MLPH: variants seen among roughly 807,000 people sequenced by gnomAD.
MLPH encodes exophilin-3.
A neutral mutation model predicts 72.1 loss-of-function variants in MLPH; 51 were observed. That is an observed-to-expected ratio of 0.71 (90% CI 0.56 to 0.89). The LOEUF (loss-of-function observed/expected upper bound fraction) is 0.89. Ranked by LOEUF, MLPH falls within the 40% of genes least tolerant of loss-of-function variation. MLPH has a pLI of 0.00. For missense variants in MLPH, 743 were observed against 759.9 expected, an observed-to-expected ratio of 0.98 and a Z score of 0.26; for synonymous variants, 301 against 310.1, an observed-to-expected ratio of 0.97 and a Z score of 0.31.
chr2:237,529,875 G>C (rs905481915), intron 8 of MLPH, among the ~76,000 whole-genome samples: 2 of 152,258 alleles, frequency 1.3e-5, no homozygotes. Flanking sequence ...GAGAGCTGGG[G>C]AAGGGAATGC....
intron 12 of MLPH, 170 bp from the exon 13 acceptor site, chr2:237,546,436 C>T (rs921350497): frequency 1.0e-5 from 7 of 673,666 alleles, no homozygotes; most frequent in South Asian, 8.1e-5. Flanking sequence ...ACTTTGGCGC[C>T]CTAGTCCCAG....
In MLPH at chr2:237,510,297, G is replaced by A. The variant is rs2079862569; in HGVS notation, c.111-277G>A. On this transcript the variant is annotated intron_variant, in intron 2 of 15. Coordinates refer to ENST00000264605, the MANE Select transcript of MLPH (RefSeq NM_024101.7). The surrounding 1 kb of genome is among the most constrained non-coding windows in gnomAD (Gnocchi z 4.4). ...ACCAAAATTGGTACAATTGTAAACA[G>A]CCACAGAAATGCTTAAATGCAATAT... 4.0e-6 allele frequency: 2 copies of A among 499,450 alleles called. No homozygotes were observed. Among genetic ancestry groups the A allele is most frequent in the East Asian group, 7.5e-5 (2 of 26,600 alleles). The allele number at this position is 499,450 out of a possible 1,614,324, so 30.9% of individuals were successfully genotyped here. A position where few individuals can be genotyped will look rare whatever the true frequency, so the allele number is the denominator to read the frequency against.
chr2:237,487,092 G>A (rs1404843430), upstream of MLPH: 3 of 152,222 alleles, frequency 2.0e-5, no homozygotes, highest in Non-Finnish European at 4.4e-5. Context: ...GAGTATCCGG[G>A]GCTCTCCCCC....
chr2:237,527,786 C>A, intron 8 of MLPH: 1 of 495,410 alleles, frequency 2.0e-6, no homozygotes, highest in Non-Finnish European at 3.6e-6. Flanking sequence ...TGGTATACAC[C>A]CCAAAAAATT....
Position 237,510,829 on chromosome 2 carries a change from T to C in MLPH, c.332+34T>C. The C allele has an allele frequency of 1.2e-6, 2 of 1,610,882 alleles. No individual in the cohort carries two copies. The highest frequency in any genetic ancestry group is 1.7e-6 in the Non-Finnish European group (2 of 1,178,274). ...AGGCCTTGAGGTAAAATGACCTTGA[T>C]AGTTTCTGGATCTGGCGTGTCCCTT... On this transcript the variant is annotated intron_variant, in intron 3 of 15. Coordinates refer to ENST00000264605, the MANE Select transcript of MLPH (RefSeq NM_024101.7). This position sits in a 1 kb window ranked among gnomAD's most constrained non-coding sequence, Gnocchi z 4.4.
chr2:237,534,059 C>G (rs2080481433), intron 8 of MLPH, among the ~76,000 whole-genome samples: 1 of 152,178 alleles, frequency 6.6e-6, no homozygotes, highest in Admixed American at 6.5e-5. Flanking sequence ...TTGGGTGACT[C>G]AAGAGTCTGG....
intron 2 of MLPH, among the ~76,000 whole-genome samples, chr2:237,508,983 C>A (rs534995589): frequency 7.2e-5 from 11 of 152,280 alleles, no homozygotes; most frequent in African/African-American, 2.2e-4. Context: ...CGGGCTCTTG[C>A]CTGTTGAGGA....
At chr2:237,553,227 C>G (rs2081073355) in intron 15 of MLPH, 2 of 491,986 alleles carry the variant, frequency 4.1e-6, no homozygotes, top group Admixed American at 2.4e-5. Flanking sequence ...GGGGACCAAT[C>G]CGAGGTACTT....
chr2:237,552,437 G>A lies in MLPH; in HGVS notation c.1776G>A (p.Ala592=), dbSNP rs371526842. The A allele has an allele frequency of 3.4e-5, 55 of 1,613,398 alleles. No homozygotes were observed. In the South Asian group the frequency reaches 4.5e-4, roughly 13 times the overall value. ...ARKGMASHTF[A]KPVVAHQS ...AAGGAATGGCCAGCCACACCTTCGC[G>A]GTAAAGTTTTCTCTCATTCTCTGAG... The change falls in exon 15 of 16, where the codon GCG becomes GCA. Residue 592 remains alanine, a splice_region_variant and synonymous_variant. Transcript: ENST00000264605.
Position 237,532,244 on chromosome 2 carries a change from G to A in MLPH, c.1021-2320G>A, listed in dbSNP as rs527727847. ...CAGGGCCTGAGCTTTCTCAGGAATC[G>A]TATTTTATCACAGCTCATCTGAGGG... On this transcript the variant is annotated intron_variant, in intron 8 of 15. Coordinates refer to ENST00000264605, the MANE Select transcript of MLPH (RefSeq NM_024101.7). Among the ~76,000 whole-genome samples the A allele has an allele frequency of 3.3e-4, 50 of 152,304 alleles. No individual in the cohort carries two copies. In the South Asian group the frequency reaches 5.8e-3, roughly 18 times the overall value.
At chr2:237,501,663 CTAAAAAAAAAA>C (rs1421509074) in intron 2 of MLPH, among the ~76,000 whole-genome samples, 10 of 101,666 alleles carry the variant, frequency 9.8e-5, no homozygotes, top group African/African-American at 3.1e-4. Flanking sequence ...CACGTCTCTA[CTAAAAAAAAAA>C]AAAAAAAAAA....
chr2:237,538,394 G>C (rs1362637234), intron 9 of MLPH, among the ~76,000 whole-genome samples: 2 of 152,238 alleles, frequency 1.3e-5, no homozygotes, highest in East Asian at 3.8e-4. Context: ...CAGGACGGAT[G>C]GGTCTTGGGG....
chr2:237,501,057 T>A (rs1388754312), intron 2 of MLPH, among the ~76,000 whole-genome samples: 2 of 152,034 alleles, frequency 1.3e-5, no homozygotes, highest in African/African-American at 4.8e-5. Context: ...TTCGCCCTCC[T>A]CACCCCTGCT....
intron 4 of MLPH, among the ~76,000 whole-genome samples, chr2:237,515,568 A>G (rs371946631): frequency 2.0e-5 from 3 of 152,204 alleles, no homozygotes; most frequent in African/African-American, 7.2e-5. Flanking sequence ...GTCGTTTCAC[A>G]TAAGGAACTG....
intron 2 of MLPH, among the ~76,000 whole-genome samples, chr2:237,508,801 T>C (rs931469857): frequency 1.3e-5 from 2 of 152,158 alleles, no homozygotes; most frequent in African/African-American, 4.8e-5. Flanking sequence ...TGCTCCCATC[T>C]CAGCCTGGTT....
chr2:237,548,562 G>T (rs528864309), intron 13 of MLPH, among the ~76,000 whole-genome samples: 89 of 152,250 alleles, frequency 5.8e-4, no homozygotes, highest in African/African-American at 2.0e-3. Context: ...GGAGACCGAG[G>T]TTCAGAGAGG....
At chr2:237,531,196 C>T (rs2080413831) in intron 8 of MLPH, among the ~76,000 whole-genome samples, 1 of 152,218 alleles carries the variant, frequency 6.6e-6, no homozygotes, top group Admixed American at 6.5e-5. Context: ...TTCTTCCTTA[C>T]ATCAGGAAGT....
At position 237,525,736 on chromosome 2, in the gene MLPH, G is replaced by A. The variant is rs140017366; in HGVS notation, c.811G>A (p.Gly271Ser). The A allele has an allele frequency of 4.3e-4, 695 of 1,613,996 alleles. 3 individuals carry two copies. The African/African-American group carries it at 6.6e-3, about 15-fold the overall frequency. Residue 271 changes from glycine to serine, a missense_variant, in exon 7 of 16, where the codon GGC becomes AGC. Physicochemically the swap from Gly to Ser is moderately conservative, Grantham distance 56 (BLOSUM62 0). Coordinates refer to ENST00000264605, the MANE Select transcript of MLPH (RefSeq NM_024101.7). ...QPTSISPSRH[G>S]ALAELCPPGG... ...GACCAGCATCTCACCTTCCAGACAC[G>A]GCGCCCTGGCTGAGCTCTGCCCGCC...
At chr2:237,528,553 G>T (rs2080353816) in intron 8 of MLPH, among the ~76,000 whole-genome samples, 1 of 152,036 alleles carries the variant, frequency 6.6e-6, no homozygotes, top group African/African-American at 2.4e-5. Context: ...GTTTCACCTT[G>T]TTGGCCAGGC....
Sources: gnomAD v4.1 joint callset for allele counts (sites outside exome capture counted in the v4.1 genomes callset) on GRCh38, gnomAD v4.1.1 for gene constraint, Gnocchi (gnomAD v3.1) non-coding constraint, MANE v1.5 for transcripts, NCBI Gene and HGNC (gene_info 2026-07-23, HGNC 2026-07-21) for gene names.